OR3A2: variants seen among roughly 807,000 people sequenced by gnomAD.
The protein encoded by OR3A2 is olfactory receptor 3A2.
For missense variants in OR3A2, 318 were observed against 392.8 expected, an observed-to-expected ratio of 0.81 and a Z score of 1.61; for synonymous variants, 126 against 159.3, an observed-to-expected ratio of 0.79 and a Z score of 1.57.
chr17:3,368,410 T>C (rs1001954938), intron 2 of OR3A2, among the ~76,000 whole-genome samples: 2 of 152,210 alleles, frequency 1.3e-5, no homozygotes, highest in Non-Finnish European at 2.9e-5. Flanking sequence ...TAGATTTTTG[T>C]ATTAAGTGAG....
chr17:3,366,272 A>T lies in OR3A2; in HGVS notation c.-179+17532T>A, dbSNP rs1219337407. On this transcript the variant is annotated intron_variant, in intron 2 of 4. Transcript: ENST00000573491. ...ATACTGATATTCTCATTTTCATATT[A>T]ATCTGTGTTGTTCCAGCTACCTGCC... 8.5e-5 allele frequency among the ~76,000 whole-genome samples: 13 copies of T among 152,194 alleles called. No individual in the cohort carries two copies. The East Asian group carries it at 1.9e-3, about 23-fold the overall frequency.
At chr17:3,364,013 C>T (rs773722312) in intron 2 of OR3A2, among the ~76,000 whole-genome samples, 12 of 152,118 alleles carry the variant, frequency 7.9e-5, no homozygotes, top group East Asian at 1.9e-4. Flanking sequence ...TCCTCCAATT[C>T]GACATGAGAT....
At chr17:3,348,095 T>C (rs1471447998) in intron 2 of OR3A2, among the ~76,000 whole-genome samples, 2 of 152,174 alleles carry the variant, frequency 1.3e-5, no homozygotes, top group Non-Finnish European at 2.9e-5. Flanking sequence ...TGGGGTTGTT[T>C]GTTTTTTTCT....
intron 3 of OR3A2, among the ~76,000 whole-genome samples, chr17:3,329,753 G>C (rs1439219052): frequency 8.5e-6 from 1 of 117,676 alleles, no homozygotes; most frequent in Non-Finnish European, 1.7e-5. Context: ...CCTTCTGCTA[G>C]CTTTTGAATG....
intron 3 of OR3A2, among the ~76,000 whole-genome samples, chr17:3,323,703 T>G (rs1030728477): frequency 1.4e-4 from 22 of 152,126 alleles, no homozygotes; most frequent in African/African-American, 5.1e-4. Flanking sequence ...TCTTCTGGCT[T>G]GTAGAGTTTC....
At chr17:3,286,139 C>T (rs931185282), upstream of OR3A2, among the ~76,000 whole-genome samples, 5 of 152,112 alleles carry the variant, frequency 3.3e-5, no homozygotes, top group African/African-American at 9.7e-5. Flanking sequence ...TTATTCAACT[C>T]CCACTTATGA....
chr17:3,292,142 C>A, intron 3 of OR3A2: 10 of 1,614,156 alleles, frequency 6.2e-6, no homozygotes, highest in Non-Finnish European at 8.5e-6. Context: ...ACGCAGCCAC[C>A]AACATCCTCT....
At chr17:3,330,409 A>G (rs1281483829) in intron 3 of OR3A2, among the ~76,000 whole-genome samples, 2 of 151,442 alleles carry the variant, frequency 1.3e-5, no homozygotes, top group Admixed American at 6.6e-5. Context: ...TATTGGGTAC[A>G]TATATATTTA....
At chr17:3,361,880 T>C (rs1012969322) in intron 2 of OR3A2, among the ~76,000 whole-genome samples, 1 of 151,668 alleles carries the variant, frequency 6.6e-6, no homozygotes, top group African/African-American at 2.4e-5. Context: ...AAATTCTCTT[T>C]TTTTGTTGTG....
At chr17:3,313,018 A>G (rs898707132) in intron 3 of OR3A2, among the ~76,000 whole-genome samples, 3 of 152,236 alleles carry the variant, frequency 2.0e-5, no homozygotes, top group Admixed American at 2.0e-4. Flanking sequence ...GAGGAGACTG[A>G]TAAGAAGGGG....
intron 3 of OR3A2, among the ~76,000 whole-genome samples, chr17:3,334,923 T>C (rs1289650435): frequency 6.6e-6 from 1 of 152,174 alleles, no homozygotes; most frequent in Non-Finnish European, 1.5e-5. Flanking sequence ...CTTATACATA[T>C]TGCTAAACTC....
intron 1 of OR3A2, among the ~76,000 whole-genome samples, chr17:3,283,063 T>C (rs149153875): frequency 1.1e-4 from 16 of 152,246 alleles, no homozygotes; most frequent in African/African-American, 3.6e-4. Flanking sequence ...CCCTAAACTA[T>C]CAATATACAC....
chr17:3,363,898 C>G (rs162260), intron 2 of OR3A2, among the ~76,000 whole-genome samples: 2 of 152,038 alleles, frequency 1.3e-5, no homozygotes, highest in Non-Finnish European at 2.9e-5. Flanking sequence ...GGAGGAAGTG[C>G]TACACATTTT....
chr17:3,348,245 T>C (rs2049386556), intron 2 of OR3A2, among the ~76,000 whole-genome samples: 3 of 152,302 alleles, frequency 2.0e-5, no homozygotes, highest in African/African-American at 7.2e-5. Flanking sequence ...AGCTCTTTAG[T>C]TTAATTAGAT....
chr17:3,367,249 T>A lies in OR3A2; in HGVS notation c.-179+16555A>T, dbSNP rs540783452. 5.3e-5 allele frequency among the ~76,000 whole-genome samples: 8 copies of A among 152,210 alleles called. No homozygotes were observed. The East Asian group carries it at 1.5e-3, about 29-fold the overall frequency. On this transcript the variant is annotated intron_variant, in intron 2 of 4. Coordinates refer to the OR3A2 transcript ENST00000573491. ...TCAATAGATTTTGGGGAAGAAAAGGTGGTTTTTGGTTACATGAAGAAGTTA... is the reference window on the plus strand; with the variant it reads ...TCAATAGATTTTGGGGAAGAAAAGGAGGTTTTTGGTTACATGAAGAAGTTA...
At chr17:3,358,754 T>C (rs753419675) in intron 2 of OR3A2, among the ~76,000 whole-genome samples, 2 of 151,814 alleles carry the variant, frequency 1.3e-5, no homozygotes, top group African/African-American at 2.4e-5. Flanking sequence ...GTATATTCTA[T>C]TGTTTTGGGG....
chr17:3,287,520 A>C (rs2150619524), upstream of OR3A2, among the ~76,000 whole-genome samples: 1 of 152,272 alleles, frequency 6.6e-6, no homozygotes, highest in South Asian at 2.1e-4. Flanking sequence ...CAGCCATTTA[A>C]AATTTTCGTC....
chr17:3,321,990 G>T (rs2049127330), intron 3 of OR3A2, among the ~76,000 whole-genome samples: 2 of 152,194 alleles, frequency 1.3e-5, no homozygotes, highest in South Asian at 4.1e-4. Context: ...GTAGAATTCA[G>T]CTGTGAATCC....
intron 3 of OR3A2, among the ~76,000 whole-genome samples, chr17:3,314,543 TG>T (rs2049066612): frequency 6.6e-6 from 1 of 152,168 alleles, no homozygotes; most frequent in African/African-American, 2.4e-5. Context: ...ACCCGTAAGC[TG>T]CACACGGTGA....
Sources: gnomAD v4.1 joint callset for allele counts (sites outside exome capture counted in the v4.1 genomes callset) on GRCh38, gnomAD v4.1.1 for gene constraint, MANE v1.5 for transcripts, NCBI Gene and HGNC (gene_info 2026-07-23, HGNC 2026-07-21) for gene names.